The following DDX10 variants were observed in gnomAD, a reference collection of about 807,000 sequenced individuals.
DDX10 encodes the protein probable ATP-dependent RNA helicase DDX10.
A neutral mutation model predicts 104.3 loss-of-function variants in DDX10; 74 were observed. The ratio of observed to expected loss-of-function variants is 0.71; its 90% CI spans 0.59 to 0.86. The LOEUF is 0.86. DDX10 is among the 40% of genes least tolerant of loss of function. DDX10 has a pLI of 0.00. For missense variants in DDX10, 952 were observed against 1,040.0 expected (o/e 0.92, Z 1.16); for synonymous variants, 351 against 353.4 (o/e 0.99, Z 0.08).
At chr11:108,695,455 G>C (rs1252938265) in intron 9 of DDX10, among the ~76,000 whole-genome samples, 3 of 152,192 alleles carry the variant, frequency 2.0e-5, no homozygotes, top group Non-Finnish European at 4.4e-5. Flanking sequence ...AGACTGTCCT[G>C]TTTGGCAGGC....
chr11:108,875,220 A>G (rs377579353), intron 16 of DDX10, among the ~76,000 whole-genome samples: 2 of 152,182 alleles, frequency 1.3e-5, no homozygotes, highest in Non-Finnish European at 2.9e-5. Context: ...CGTTTAGTCA[A>G]TCTAAGCTGG....
In DDX10 at chr11:108,719,904, G is replaced by T; in HGVS notation, c.1499+19G>T. Reference sequence around the variant, plus strand: ...ATGCCCTGTAAGTATTCATAATATAGTTGTAATAGTGAATCCTCAAGGTTA... The same window carrying T: ...ATGCCCTGTAAGTATTCATAATATATTTGTAATAGTGAATCCTCAAGGTTA... On this transcript the variant is annotated intron_variant, in intron 12 of 17. Coordinates refer to ENST00000322536, the MANE Select transcript of DDX10 (RefSeq NM_004398.4). 7.5e-7 allele frequency: 1 copy of T among 1,324,720 alleles called. No individual in the cohort carries two copies. The highest frequency in any genetic ancestry group is 1.1e-6 in the Non-Finnish European group (1 of 917,692). 82.1% of individuals were successfully genotyped at this position (1,324,720 alleles called of 1,614,324 possible).
chr11:108,802,129 G>A (rs1238386174), intron 13 of DDX10, among the ~76,000 whole-genome samples: 1 of 151,916 alleles, frequency 6.6e-6, no homozygotes, highest in Non-Finnish European at 1.5e-5. Context: ...GGAACAGGAT[G>A]TACAGGTTGA....
intron 13 of DDX10, among the ~76,000 whole-genome samples, chr11:108,785,871 T>G (rs958514600): frequency 1.3e-5 from 2 of 152,200 alleles, no homozygotes; most frequent in African/African-American, 4.8e-5. Flanking sequence ...TTTTAATTAT[T>G]TCTTCTACCA....
intron 16 of DDX10, among the ~76,000 whole-genome samples, chr11:108,915,223 T>C (rs185712208): frequency 2.0e-5 from 3 of 152,316 alleles, no homozygotes; most frequent in South Asian, 2.1e-4. Context: ...TCAACTGTTA[T>C]GATAAACAAA....
chr11:108,703,579 C>T (rs1307820803), intron 9 of DDX10, among the ~76,000 whole-genome samples: 3 of 152,132 alleles, frequency 2.0e-5, no homozygotes, highest in African/African-American at 4.8e-5. Context: ...CCACCTGCCT[C>T]GGCCTCCCAA....
chr11:108,783,281 T>G (rs183029433), intron 13 of DDX10, among the ~76,000 whole-genome samples: 11 of 152,278 alleles, frequency 7.2e-5, no homozygotes, highest in African/African-American at 2.6e-4. Context: ...AAGAAAGAAA[T>G]ATGAAGACTT....
At chr11:108,791,594 CTT>C (rs1369644338) in intron 13 of DDX10, among the ~76,000 whole-genome samples, 3 of 152,138 alleles carry the variant, frequency 2.0e-5, no homozygotes, top group Non-Finnish European at 4.4e-5. Flanking sequence ...ATAGAGTTCT[CTT>C]GTATACCTTC....
intron 13 of DDX10, among the ~76,000 whole-genome samples, chr11:108,806,125 C>T (rs939453873): frequency 1.3e-5 from 2 of 152,054 alleles, no homozygotes; most frequent in African/African-American, 4.8e-5. Flanking sequence ...CCACGCCCGG[C>T]TAGTTTTTTT....
intron 7 of DDX10, among the ~76,000 whole-genome samples, chr11:108,691,164 A>G (rs1343319600): frequency 2.0e-5 from 3 of 152,218 alleles, no homozygotes; most frequent in African/African-American, 7.2e-5. Context: ...AATTGAAGAG[A>G]GACTTTAATG....
At chr11:108,807,730 A>C (rs973055106) in intron 13 of DDX10, among the ~76,000 whole-genome samples, 3 of 152,198 alleles carry the variant, frequency 2.0e-5, no homozygotes, top group African/African-American at 7.2e-5. Flanking sequence ...GGTCTGGAAC[A>C]CTAGAGAGTG....
intron 16 of DDX10, among the ~76,000 whole-genome samples, chr11:108,916,472 T>C (rs574031762): frequency 1.4e-4 from 22 of 152,250 alleles, no homozygotes; most frequent in Middle Eastern, 6.8e-3. Flanking sequence ...CTAATTCTTA[T>C]GTTTAGAGGT....
intron 13 of DDX10, among the ~76,000 whole-genome samples, chr11:108,752,986 T>C (rs1349573756): frequency 6.6e-6 from 1 of 152,132 alleles, no homozygotes; most frequent in East Asian, 1.9e-4. Context: ...AAATATTTGC[T>C]GAATTGAATT....
Position 108,778,237 on chromosome 11 carries a change from A to G in DDX10, c.1965+54775A>G, listed in dbSNP as rs566818735. 7.2e-5 allele frequency among the ~76,000 whole-genome samples: 11 copies of G among 152,308 alleles called. No individual in the cohort carries two copies. In the South Asian group the frequency reaches 2.3e-3, roughly 32 times the overall value. On this transcript the variant is annotated intron_variant, in intron 13 of 17. Coordinates refer to ENST00000322536, the MANE Select transcript of DDX10 (RefSeq NM_004398.4). Reference sequence around the variant, plus strand: ...CCAAAAAAGAGCCTGCATTGCCAAGACAATCCTAAGCCAAAAGAACAAAGC... The same window carrying G: ...CCAAAAAAGAGCCTGCATTGCCAAGGCAATCCTAAGCCAAAAGAACAAAGC...
At chr11:108,691,842 C>G in intron 7 of DDX10, 34 bp from the exon 8 acceptor site, 11 of 1,595,130 alleles carry the variant, frequency 6.9e-6, no homozygotes, top group Non-Finnish European at 9.4e-6. Context: ...TGCCATCTGC[C>G]ATAAGCAAAC....
chr11:108,811,895 G>GGT (rs1862187506), intron 13 of DDX10, among the ~76,000 whole-genome samples: 1 of 148,034 alleles, frequency 6.8e-6, no homozygotes, highest in Admixed American at 6.8e-5. Context: ...ATAAATATGG[G>GGT]GGGGGGAAGA....
intron 13 of DDX10, among the ~76,000 whole-genome samples, chr11:108,725,877 C>G (rs1434188794): frequency 6.6e-6 from 1 of 151,832 alleles, no homozygotes; most frequent in Non-Finnish European, 1.5e-5. Context: ...CAGATTTTCT[C>G]CTATGTTCTC....
chr11:108,736,574 C>G (rs1416432027), intron 13 of DDX10, among the ~76,000 whole-genome samples: 1 of 152,030 alleles, frequency 6.6e-6, no homozygotes, highest in Non-Finnish European at 1.5e-5. Flanking sequence ...GAGGTTGGGG[C>G]CTTAAGAGGT....
chr11:108,885,020 T>C (rs1302921931), intron 16 of DDX10, among the ~76,000 whole-genome samples: 1 of 152,190 alleles, frequency 6.6e-6, no homozygotes, highest in Non-Finnish European at 1.5e-5. Context: ...ATCAAGCTTT[T>C]TTGAGTCTTC....
Sources: gnomAD v4.1 joint callset for allele counts (sites outside exome capture counted in the v4.1 genomes callset) on GRCh38, gnomAD v4.1.1 for gene constraint, MANE v1.5 for transcripts, NCBI Gene and HGNC (gene_info 2026-07-23, HGNC 2026-07-21) for gene names.